The following CORO2A variants were observed in gnomAD, a reference collection of about 807,000 sequenced individuals.
The protein encoded by CORO2A is coronin 2A, also known as coronin-2A.
CORO2A carries 47 observed loss-of-function variants against 62.4 expected under a neutral mutation model. That is an observed-to-expected ratio of 0.75 (90% CI 0.60 to 0.96). The LOEUF is 0.96. Ranked by LOEUF, CORO2A falls within the 40% of genes least tolerant of loss-of-function variation. The pLI is 0.00. For missense variants in CORO2A, 610 were observed against 684.1 expected (o/e 0.89, Z 1.21); for synonymous variants, 273 against 268.9 (o/e 1.02, Z -0.15).
intron 1 of CORO2A, among the ~76,000 whole-genome samples, chr9:98,186,428 C>A (rs1828239660): frequency 6.6e-6 from 1 of 152,276 alleles, no homozygotes; most frequent in Non-Finnish European, 1.5e-5. Context: ...TGATCCTGGG[C>A]TAGCTACCCA....
intron 2 of CORO2A, among the ~76,000 whole-genome samples, chr9:98,148,464 G>C (rs1827675601): frequency 6.6e-6 from 1 of 150,744 alleles, no homozygotes; most frequent in African/African-American, 2.4e-5. Flanking sequence ...ACACATAATT[G>C]AGGCCAGGTG....
At chr9:98,173,753 T>G (rs2118916350) in intron 1 of CORO2A, among the ~76,000 whole-genome samples, 1 of 152,280 alleles carries the variant, frequency 6.6e-6, no homozygotes, top group South Asian at 2.1e-4. Flanking sequence ...AAATCCAGAC[T>G]CACTTCCCTT....
intron 3 of CORO2A, among the ~76,000 whole-genome samples, chr9:98,136,162 T>C (rs1190599841): frequency 6.6e-6 from 1 of 152,150 alleles, no homozygotes; most frequent in Non-Finnish European, 1.5e-5. Context: ...TTTATAAAGA[T>C]CTTGATGGGA....
chr9:98,124,740 T>C lies in CORO2A; in HGVS notation c.*34A>G, dbSNP rs1827292175. 2 of 1,564,868 alleles carry C rather than the reference T, an allele frequency of 1.3e-6. No homozygotes were observed. Among genetic ancestry groups the C allele is most frequent in the Non-Finnish European group, 1.7e-6 (2 of 1,151,932 alleles). The stretch of plus-strand genomic sequence containing the variant: ...TAAACCTCCCCATGGAGCCGAGTGG[T>C]GTCCCTGAGGGTGAGGAGGGCAGAG... On this transcript the variant is annotated 3_prime_UTR_variant, in exon 12 of 12. Coordinates refer to ENST00000375077, the MANE Select transcript of CORO2A (RefSeq NM_052820.4).
intron 1 of CORO2A, among the ~76,000 whole-genome samples, chr9:98,181,990 T>C (rs758606282): frequency 3.9e-5 from 6 of 152,176 alleles, no homozygotes; most frequent in Non-Finnish European, 8.8e-5. Flanking sequence ...TTCCTTTCCT[T>C]GACCGGCACC....
intron 1 of CORO2A, among the ~76,000 whole-genome samples, chr9:98,164,323 C>T (rs1056504757): frequency 1.2e-4 from 18 of 152,350 alleles, no homozygotes; most frequent in Admixed American, 9.1e-4. Flanking sequence ...GACTCCAATC[C>T]CTGACCCACT....
chr9:98,133,222 A>C lies in CORO2A; in HGVS notation c.469-5T>G. The C allele has an allele frequency of 6.2e-7, 1 of 1,614,112 alleles. No homozygotes were observed. The highest frequency in any genetic ancestry group is 8.5e-7 in the Non-Finnish European group (1 of 1,179,958). On this transcript the variant is annotated splice_polypyrimidine_tract_variant and splice_region_variant and intron_variant, in intron 4 of 11. Transcript: ENST00000375077. ...ATCCAGGTTCCAGATCATCACCTGCATGGCAGAGAGCCAGCTCTGAGCACA... is the reference window on the plus strand; with the variant it reads ...ATCCAGGTTCCAGATCATCACCTGCCTGGCAGAGAGCCAGCTCTGAGCACA...
chr9:98,142,750 C>T (rs1284072877), intron 2 of CORO2A, among the ~76,000 whole-genome samples: 1 of 151,458 alleles, frequency 6.6e-6, no homozygotes, highest in African/African-American at 2.5e-5. Context: ...TCTTCCTTCT[C>T]AGCCTTCTCT....
chr9:98,161,903 G>T (rs1827891830), intron 1 of CORO2A, among the ~76,000 whole-genome samples: 1 of 152,140 alleles, frequency 6.6e-6, no homozygotes, highest in Non-Finnish European at 1.5e-5. Flanking sequence ...GGGGTACCTG[G>T]GGTCTGGCCC....
At chr9:98,139,335 T>C (rs112548191) in intron 2 of CORO2A, among the ~76,000 whole-genome samples, 1 of 151,786 alleles carries the variant, frequency 6.6e-6, no homozygotes, top group African/African-American at 2.4e-5. Context: ...CTACAAAAAA[T>C]CAAAAAATTA....
At chr9:98,159,801 T>A (rs912652505) in intron 1 of CORO2A, among the ~76,000 whole-genome samples, 1 of 152,068 alleles carries the variant, frequency 6.6e-6, no homozygotes, top group Non-Finnish European at 1.5e-5. Context: ...TGGAGCTTCC[T>A]CAGAGAAGGC....
At chr9:98,153,406 C>G (rs946717701) in intron 2 of CORO2A, among the ~76,000 whole-genome samples, 1 of 129,476 alleles carries the variant, frequency 7.7e-6, no homozygotes, top group African/African-American at 2.9e-5. Context: ...CGGCTGATAA[C>G]TTTTTTTTTT....
chr9:98,153,249 G>A (rs1168455761), intron 2 of CORO2A, among the ~76,000 whole-genome samples: 2 of 151,758 alleles, frequency 1.3e-5, no homozygotes, highest in African/African-American at 4.8e-5. Context: ...ACAGGCACCC[G>A]CTACCACACC....
At chr9:98,150,780 T>C (rs971061593) in intron 2 of CORO2A, among the ~76,000 whole-genome samples, 3 of 152,224 alleles carry the variant, frequency 2.0e-5, no homozygotes, top group Non-Finnish European at 2.9e-5. Flanking sequence ...AAGAAACAAG[T>C]AGCAAAATCG....
chr9:98,127,060 G>A, intron 10 of CORO2A: 1 of 577,506 alleles, frequency 1.7e-6, no homozygotes, highest in Non-Finnish European at 3.1e-6. Flanking sequence ...ACAGCACGGT[G>A]CGTGCACTGA....
intron 2 of CORO2A, among the ~76,000 whole-genome samples, chr9:98,153,423 T>A (rs1191220148): frequency 2.7e-5 from 4 of 149,024 alleles, no homozygotes; most frequent in Non-Finnish European, 6.0e-5. Context: ...TTTTTTTTTT[T>A]AAGAGATGGG....
intron 1 of CORO2A, among the ~76,000 whole-genome samples, chr9:98,177,173 T>C (rs1296306325): frequency 6.6e-6 from 1 of 152,194 alleles, no homozygotes; most frequent in Non-Finnish European, 1.5e-5. Flanking sequence ...ACCTTAGGTC[T>C]TTTCTGCTAG....
At chr9:98,129,994 C>A (rs1248777061) in intron 7 of CORO2A, 104 bp from the exon 8 acceptor site, 3 of 786,562 alleles carry the variant, frequency 3.8e-6, no homozygotes, top group Non-Finnish European at 6.4e-6. Context: ...TTTTGATGAT[C>A]GGCAAACCCA....
At chr9:98,136,859 T>A (rs1384942763) in intron 3 of CORO2A, among the ~76,000 whole-genome samples, 9 of 152,332 alleles carry the variant, frequency 5.9e-5, no homozygotes, top group Non-Finnish European at 1.2e-4. Flanking sequence ...CTGTGTTTTT[T>A]AATTTTTTAA....
Sources: allele counts gnomAD v4.1 joint callset (sites outside exome capture counted in the v4.1 genomes callset), GRCh38; gene constraint gnomAD v4.1.1; transcripts MANE v1.5; gene names NCBI Gene and HGNC (gene_info 2026-07-23, HGNC 2026-07-21).